Variants in EYA1 observed in about 807,000 individuals in gnomAD.
The protein encoded by EYA1 is EYA transcriptional coactivator and phosphatase 1, also known as protein phosphatase EYA1.
In EYA1, 16 loss-of-function variants were observed where a neutral mutation model predicts 82.0. The ratio of observed to expected loss-of-function variants is 0.20; its 90% CI spans 0.13 to 0.30. EYA1 has a LOEUF of 0.30. EYA1 is among the 10% of genes least tolerant of loss of function. EYA1 has a pLI of 1.00. For missense variants in EYA1, 633 were observed against 730.7 expected (o/e 0.87, Z 1.54); for synonymous variants, 261 against 264.4 (o/e 0.99, Z 0.12).
At chr8:71,360,781 T>C (rs1308598640) in intron 1 of EYA1, among the ~76,000 whole-genome samples, 1 of 152,208 alleles carries the variant, frequency 6.6e-6, no homozygotes, top group African/African-American at 2.4e-5. Flanking sequence ...CTATCGACCT[T>C]TTGTACCCCT....
intron 12 of EYA1, among the ~76,000 whole-genome samples, chr8:71,237,967 T>C (rs958794738): frequency 3.9e-5 from 6 of 152,200 alleles, no homozygotes; most frequent in African/African-American, 1.4e-4. Context: ...TTATAAATTC[T>C]TGCCTTTATC....
intron 11 of EYA1, among the ~76,000 whole-genome samples, chr8:71,252,271 C>T (rs1254031115): frequency 6.6e-6 from 1 of 151,810 alleles, no homozygotes; most frequent in East Asian, 2.0e-4. Context: ...TCCAACAATG[C>T]CTTCATCTGT....
intron 2 of EYA1, among the ~76,000 whole-genome samples, chr8:71,441,550 C>A (rs973007408): frequency 6.6e-6 from 1 of 152,156 alleles, no homozygotes. Context: ...AATAGCCCTA[C>A]TGAAGCTTTC....
chr8:71,480,092 A>G (rs1307436012), intron 2 of EYA1, among the ~76,000 whole-genome samples: 2 of 152,180 alleles, frequency 1.3e-5, no homozygotes, highest in African/African-American at 2.4e-5. Flanking sequence ...AAAAAAATAA[A>G]GAAGAAGAAA....
rs193053190 is a variant in EYA1, at chr8:71,204,618, T to C, written c.1699-5198A>G. Among the ~76,000 whole-genome samples, 9 of 152,310 alleles carry C rather than the reference T, an allele frequency of 5.9e-5. No individual in the cohort carries two copies. In the East Asian group the frequency reaches 1.7e-3, roughly 29 times the overall value. The stretch of plus-strand genomic sequence containing the variant: ...AAAGCATTAGAGATGCAAAGCTTCA[T>C]GGACTGATATAGAATAACTGCCAGG... On this transcript the variant is annotated intron_variant, in intron 17 of 17. Transcript: ENST00000340726.
chr8:71,403,996 TA>T (rs1351756846), intron 2 of EYA1: 1 of 152,228 alleles, frequency 6.6e-6, no homozygotes, highest in Non-Finnish European at 1.5e-5. Flanking sequence ...TAAGGACATT[TA>T]AAAAATAATT....
chr8:71,404,610 A>T (rs939078776), intron 2 of EYA1: 1 of 152,186 alleles, frequency 6.6e-6, no homozygotes, highest in Non-Finnish European at 1.5e-5. Context: ...GCGATAATCA[A>T]ATGATGTTAA....
chr8:71,236,042 C>G (rs1057316216), intron 12 of EYA1, among the ~76,000 whole-genome samples: 1 of 150,512 alleles, frequency 6.6e-6, no homozygotes, highest in African/African-American at 2.5e-5. Context: ...ACAAATTTTA[C>G]TCTTTATTTT....
At chr8:71,485,062 G>A (rs539208901) in intron 2 of EYA1, among the ~76,000 whole-genome samples, 4 of 152,342 alleles carry the variant, frequency 2.6e-5, no homozygotes, top group Admixed American at 6.5e-5. Context: ...AACTCTAGGA[G>A]GATCTGACTG....
At position 71,290,411 on chromosome 8, in the gene EYA1, A is replaced by G. The variant is rs1586202723; in HGVS notation, c.826+8636T>C. 2.0e-5 allele frequency among the ~76,000 whole-genome samples: 3 copies of G among 152,334 alleles called. No homozygotes were observed. The South Asian group carries it at 6.2e-4, about 32-fold the overall frequency. On this transcript the variant is annotated intron_variant, in intron 9 of 17. Transcript: ENST00000340726. The stretch of plus-strand genomic sequence containing the variant: ...TAACAGTTTTTCAAATAATGAATCA[A>G]TTAGTTACAAAAGAAGATAATAAAT...
At chr8:71,494,017 C>T (rs1271146430) in intron 2 of EYA1, among the ~76,000 whole-genome samples, 1 of 31,984 alleles carries the variant, frequency 3.1e-5, no homozygotes, top group Non-Finnish European at 5.3e-5. Context: ...AGCGAGACTC[C>T]GTCTCAAAAA....
chr8:71,509,829 T>G (rs1352898610), intron 2 of EYA1, among the ~76,000 whole-genome samples: 2 of 152,126 alleles, frequency 1.3e-5, no homozygotes, highest in Admixed American at 1.3e-4. Context: ...GAGAGCATAT[T>G]GTCCTGTCTC....
intron 11 of EYA1, among the ~76,000 whole-genome samples, chr8:71,248,895 G>A (rs997511677): frequency 3.3e-5 from 5 of 152,094 alleles, no homozygotes; most frequent in Non-Finnish European, 7.4e-5. Context: ...AAAAAAACAC[G>A]TTCTTAAACC....
intron 4 of EYA1, among the ~76,000 whole-genome samples, chr8:71,324,652 G>T (rs1487074815): frequency 6.6e-6 from 1 of 152,164 alleles, no homozygotes; most frequent in Admixed American, 6.5e-5. Flanking sequence ...AAGGAACTAA[G>T]GGCTGATAGA....
intron 2 of EYA1, among the ~76,000 whole-genome samples, chr8:71,505,658 C>T (rs180893117): frequency 1.3e-4 from 20 of 152,310 alleles, no homozygotes; most frequent in Non-Finnish European, 2.8e-4. Context: ...GCAATTGCCA[C>T]AGCCAGCTTG....
rs71264550 is a variant in EYA1, at chr8:71,331,489, T to TTATATATA, written c.202+2600_202+2607dup. On this transcript the variant is annotated intron_variant, in intron 4 of 17. Coordinates refer to ENST00000340726, the MANE Select transcript of EYA1 (RefSeq NM_000503.6). ...ATTACTTTTTAAAAGTATAAATGTT[T>TTATATATA]TATATATATATATACACATATATAT... Among the ~76,000 whole-genome samples, 939 of 146,814 alleles carry TTATATATA rather than the reference T, an allele frequency of 6.4e-3. 4 individuals are homozygous for TTATATATA. Among genetic ancestry groups the TTATATATA allele is most frequent in the South Asian group, 0.013 (63 of 4,692 alleles).
intron 2 of EYA1, among the ~76,000 whole-genome samples, chr8:71,438,600 G>GT (rs1359323752): frequency 2.6e-5 from 4 of 152,142 alleles, no homozygotes; most frequent in Admixed American, 2.0e-4. Flanking sequence ...GAAATGATAG[G>GT]TGATGCCTTC....
intron 2 of EYA1, among the ~76,000 whole-genome samples, chr8:71,501,301 T>C (rs1160989168): frequency 2.0e-5 from 3 of 152,204 alleles, no homozygotes; most frequent in African/African-American, 4.8e-5. Flanking sequence ...CAAATTTGCC[T>C]GGAGCAGTCT....
At chr8:71,407,081 G>A (rs1830291108) in intron 2 of EYA1, among the ~76,000 whole-genome samples, 1 of 107,398 alleles carries the variant, frequency 9.3e-6, no homozygotes, top group Admixed American at 1.0e-4. Flanking sequence ...CCCCCGAGCA[G>A]CCTAACTGGG....
Sources: gnomAD v4.1 joint callset for allele counts (sites outside exome capture counted in the v4.1 genomes callset) on GRCh38, gnomAD v4.1.1 for gene constraint, MANE v1.5 for transcripts, NCBI Gene and HGNC (gene_info 2026-07-23, HGNC 2026-07-21) for gene names.